PIGU: variants seen among roughly 807,000 people sequenced by gnomAD.
The protein encoded by PIGU is GPI-anchor transamidase component PIGU.
In PIGU, 24 loss-of-function variants were observed where a neutral mutation model predicts 49.9. The observed-to-expected ratio is 0.48, with a 90% CI of 0.35 to 0.68. PIGU has a LOEUF of 0.68. Among genes scored for constraint, PIGU ranks in the 30% least tolerant of loss-of-function variants. The pLI, the probability that PIGU is intolerant of heterozygous loss-of-function variation, is 0.01. For synonymous variants in PIGU, 220 were observed against 205.7 expected, an observed-to-expected ratio of 1.07 and a Z score of -0.59; for missense variants, 490 against 532.6, an observed-to-expected ratio of 0.92 and a Z score of 0.79.
chr20:34,626,885 A>C (rs1985512451), intron 6 of PIGU, among the ~76,000 whole-genome samples: 2 of 151,982 alleles, frequency 1.3e-5, no homozygotes, highest in Admixed American at 1.3e-4. Context: ...TTTCTTTTTT[A>C]GGATAAAAAG....
At chr20:34,604,201 T>C (rs1422473125) in intron 7 of PIGU, among the ~76,000 whole-genome samples, 2 of 152,198 alleles carry the variant, frequency 1.3e-5, no homozygotes, top group Non-Finnish European at 2.9e-5. Flanking sequence ...TTGTTGCTAA[T>C]ATATAAAAAA....
intron 9 of PIGU, among the ~76,000 whole-genome samples, chr20:34,582,290 T>G (rs1331353396): frequency 6.6e-6 from 1 of 152,204 alleles, no homozygotes; most frequent in East Asian, 1.9e-4. Flanking sequence ...TAATAAGTGA[T>G]AGCAATGGGT....
intron 6 of PIGU, among the ~76,000 whole-genome samples, chr20:34,628,568 G>C (rs1480838688): frequency 2.6e-5 from 4 of 152,022 alleles, no homozygotes; most frequent in Non-Finnish European, 5.9e-5. Flanking sequence ...TGATAGACTA[G>C]AACTGGGCGC....
intron 1 of PIGU, among the ~76,000 whole-genome samples, chr20:34,663,055 A>T (rs1366644782): frequency 6.6e-6 from 1 of 152,030 alleles, no homozygotes; most frequent in Non-Finnish European, 1.5e-5. Flanking sequence ...ACACAGGCCA[A>T]TGCCACTACA....
chr20:34,593,089 C>A (rs1199287427), intron 7 of PIGU, among the ~76,000 whole-genome samples: 1 of 151,986 alleles, frequency 6.6e-6, no homozygotes, highest in African/African-American at 2.4e-5. Context: ...GTAATCCCAG[C>A]ACTTTGGGAA....
At position 34,560,959 on chromosome 20, in the gene PIGU, G is replaced by GTAA. The variant is rs1568615671; in HGVS notation, c.1212_1214dup (p.Tyr405dup). The GTAA allele has an allele frequency of 1.9e-6, 3 of 1,611,084 alleles. No homozygotes were observed. The highest frequency in any genetic ancestry group is 2.5e-6 in the Non-Finnish European group (3 of 1,177,454). ...ACTCCCGCCGCAGGAAGGCATAGAAGTAATCAGAGATGAGCAGGATCTGGG... is the reference window on the plus strand; with the variant it reads ...ACTCCCGCCGCAGGAAGGCATAGAAGTAATAATCAGAGATGAGCAGGATCTGGG... On this transcript the variant is annotated inframe_insertion, in exon 12 of 12. Coordinates refer to ENST00000217446, the MANE Select transcript of PIGU (RefSeq NM_080476.5).
chr20:34,574,939 C>T (rs561949133), intron 11 of PIGU, among the ~76,000 whole-genome samples, 165 bp downstream of exon 11: 65 of 152,298 alleles, frequency 4.3e-4, no homozygotes, highest in Middle Eastern at 3.4e-3. Flanking sequence ...CCTTACACTG[C>T]TCTTACTTCC....
intron 4 of PIGU, among the ~76,000 whole-genome samples, chr20:34,640,122 A>G (rs1358352911): frequency 1.3e-5 from 2 of 152,252 alleles, no homozygotes; most frequent in Non-Finnish European, 2.9e-5. Flanking sequence ...GCTGGAAGCC[A>G]GCCAGCAGGG....
Position 34,677,074 on chromosome 20 carries a change from G to C in PIGU, c.12C>G (p.Pro4=). MAA[P]LVLVLVVAVT... is the part of the protein sequence containing the mutation. ...CAGCCACCACCAGCACCAGGACCAAGGGAGCCGCCATGATAACTGGGGCGG... is the reference window on the plus strand; with the variant it reads ...CAGCCACCACCAGCACCAGGACCAACGGAGCCGCCATGATAACTGGGGCGG... The change falls in exon 1 of 12, where the codon CCC becomes CCG. Residue 4 remains proline (P), a synonymous_variant. Coordinates refer to ENST00000217446, the MANE Select transcript of PIGU (RefSeq NM_080476.5). The C allele has an allele frequency of 6.4e-7, 1 of 1,564,534 alleles. No individual in the cohort carries two copies. The highest frequency in any genetic ancestry group is 1.4e-5 in the African/African-American group (1 of 73,924).
intron 5 of PIGU, 144 bp downstream of exon 5, chr20:34,637,732 G>T: frequency 2.0e-6 from 3 of 1,469,856 alleles, no homozygotes; most frequent in Non-Finnish European, 1.8e-6. Flanking sequence ...GAACAACAGA[G>T]CCCAGTTGTG....
intron 11 of PIGU, among the ~76,000 whole-genome samples, chr20:34,570,217 G>A (rs1982946517): frequency 6.6e-6 from 1 of 152,132 alleles, no homozygotes; most frequent in African/African-American, 2.4e-5. Context: ...AGGGAAAAAA[G>A]TCCTACTTTC....
chr20:34,645,139 A>T, intron 3 of PIGU, 136 bp downstream of exon 3: 1 of 932,496 alleles, frequency 1.1e-6, no homozygotes, highest in Non-Finnish European at 1.5e-6. Flanking sequence ...GGACCACTTA[A>T]GTCCAGGAGT....
intron 6 of PIGU, among the ~76,000 whole-genome samples, chr20:34,616,547 T>C (rs1041955160): frequency 6.6e-6 from 1 of 152,196 alleles, no homozygotes; most frequent in Non-Finnish European, 1.5e-5. Context: ...CCTTTGACTG[T>C]TGCAACATTA....
intron 1 of PIGU, among the ~76,000 whole-genome samples, chr20:34,673,504 C>G (rs2146801745): frequency 6.6e-6 from 1 of 152,274 alleles, no homozygotes; most frequent in South Asian, 2.1e-4. Context: ...TCTTTCTAGT[C>G]CTGACACTGG....
intron 11 of PIGU, chr20:34,562,345 G>C (rs1982558779): frequency 8.7e-7 from 1 of 1,148,538 alleles, no homozygotes; most frequent in African/African-American, 1.6e-5. Flanking sequence ...CTGAGGCACA[G>C]AGCACTTGGC....
At chr20:34,595,172 T>C (rs1182659866) in intron 7 of PIGU, among the ~76,000 whole-genome samples, 1 of 141,620 alleles carries the variant, frequency 7.1e-6, no homozygotes, top group Non-Finnish European at 1.5e-5. Context: ...GTGAAAGGAA[T>C]ACAGGAAAGA....
At chr20:34,626,371 C>T (rs1306346253) in intron 6 of PIGU, among the ~76,000 whole-genome samples, 3 of 149,462 alleles carry the variant, frequency 2.0e-5, no homozygotes, top group Admixed American at 1.3e-4. Flanking sequence ...GGCGTGATCT[C>T]GGCTCACTGC....
chr20:34,668,867 CT>C (rs374136983), intron 1 of PIGU, among the ~76,000 whole-genome samples: 169 of 44,642 alleles, frequency 3.8e-3, no homozygotes, highest in African/African-American at 0.012. Context: ...AATGGTAAAA[CT>C]TTTTTTTTTT....
Position 34,631,761 on chromosome 20 carries a change from ATATATATATATATATATATATATATTTT to A in PIGU, c.529+2826_529+2853del, listed in dbSNP as rs1985759414. 1.4e-3 allele frequency among the ~76,000 whole-genome samples: 7 copies of A among 5,036 alleles called. 1 individual carries two copies. The highest frequency in any genetic ancestry group is 6.2e-3 in the African/African-American group (7 of 1,132). 3.3% of individuals were successfully genotyped at this position (5,036 alleles called of 152,430 possible). A position where few individuals can be genotyped will look rare whatever the true frequency, so the allele number is the denominator to read the frequency against. ...TATATATATATATATATATATATAT[ATATATATATATATATATATATATATTTT>A]TTTTTTTTTTTTTTTTTTTTTTTTT... is the stretch of plus-strand genomic sequence containing the variant. On this transcript the variant is annotated intron_variant, in intron 6 of 11. Transcript: ENST00000217446.
Sources: gnomAD v4.1 joint callset for allele counts (sites outside exome capture counted in the v4.1 genomes callset) on GRCh38, gnomAD v4.1.1 for gene constraint, MANE v1.5 for transcripts, NCBI Gene and HGNC (gene_info 2026-07-23, HGNC 2026-07-21) for gene names.